Variants in SLC12A8 observed in about 807,000 individuals in gnomAD.
The protein encoded by SLC12A8 is solute carrier family 12 member 8.
SLC12A8 carries 69 observed loss-of-function variants against 75.6 expected under a neutral mutation model. The observed-to-expected ratio is 0.91, with a 90% CI of 0.75 to 1.11. The LOEUF (loss-of-function observed/expected upper bound fraction) is 1.11, where lower values mean the gene tolerates loss of function less well. SLC12A8 is among the 50% of genes most tolerant of loss of function. The probability of loss-of-function intolerance (pLI) is 0.00; values close to 1 mark genes in which losing one functional copy is unlikely to be tolerated. For synonymous variants in SLC12A8, 365 were observed against 372.8 expected, an observed-to-expected ratio of 0.98 and a Z score of 0.24; for missense variants, 877 against 896.7, an observed-to-expected ratio of 0.98 and a Z score of 0.28.
intron 2 of SLC12A8, among the ~76,000 whole-genome samples, chr3:125,209,009 C>T (rs984753548): frequency 2.6e-5 from 4 of 152,196 alleles, no homozygotes; most frequent in Non-Finnish European, 5.9e-5. Flanking sequence ...TGTCTTCCCA[C>T]TGGGCACTGC....
At chr3:125,106,384 A>T (rs1939024011) in intron 10 of SLC12A8, among the ~76,000 whole-genome samples, 1 of 151,050 alleles carries the variant, frequency 6.6e-6, no homozygotes, top group African/African-American at 2.4e-5. Flanking sequence ...TTGTTTTGAG[A>T]TGGAGTCTCA....
At chr3:125,112,464 G>A (rs1216445374) in intron 8 of SLC12A8, among the ~76,000 whole-genome samples, 3 of 152,090 alleles carry the variant, frequency 2.0e-5, no homozygotes, top group Admixed American at 1.3e-4. Flanking sequence ...CCAGCACCCT[G>A]AGCACCTCAC....
chr3:125,120,732 G>A (rs766306391), intron 6 of SLC12A8, 46 bp from the exon 7 acceptor site: 5 of 1,440,540 alleles, frequency 3.5e-6, no homozygotes, highest in Non-Finnish European at 4.9e-6. Context: ...CCTCCTCCAC[G>A]CATCGCCTTC....
rs1368605617 is a variant in SLC12A8 at position 125,208,791 on chromosome 3, C to CACAG, written c.51+2507_51+2508insCTGT. On this transcript the variant is annotated intron_variant, in intron 2 of 13. Coordinates refer to ENST00000469902, the MANE Select transcript of SLC12A8 (RefSeq NM_024628.6). ...ACACACACACACACACACACACACA[C>CACAG]AGAGAGAGAGAGAGAGAGAGAGAGA... is the stretch of plus-strand genomic sequence containing the variant. 2.1e-3 allele frequency among the ~76,000 whole-genome samples: 180 copies of CACAG among 84,186 alleles called. 1 individual carries two copies. The highest frequency in any genetic ancestry group is 2.5e-3 in the Non-Finnish European group (107 of 42,430). The allele number at this position is 84,186 out of a possible 152,430, so 55.2% of individuals were successfully genotyped here. A position where few individuals can be genotyped will look rare whatever the true frequency, so the allele number is the denominator to read the frequency against.
intron 5 of SLC12A8, among the ~76,000 whole-genome samples, chr3:125,173,452 CAA>C (rs61001520): frequency 7.3e-4 from 58 of 79,644 alleles, no homozygotes; most frequent in East Asian, 1.3e-3. Flanking sequence ...ATTCATGAGC[CAA>C]AAAAAAAAAA....
At chr3:125,111,704 A>G (rs984178585) in intron 8 of SLC12A8, among the ~76,000 whole-genome samples, 1 of 152,236 alleles carries the variant, frequency 6.6e-6, no homozygotes, top group Non-Finnish European at 1.5e-5. Flanking sequence ...CATTGAACAC[A>G]AGCCACTGGC....
chr3:125,118,673 A>G, intron 8 of SLC12A8, 96 bp downstream of exon 8: 1 of 800,694 alleles, frequency 1.2e-6, no homozygotes, highest in Non-Finnish European at 2.1e-6. Context: ...ATGGATTCCC[A>G]GACAGTACTG....
intron 4 of SLC12A8, among the ~76,000 whole-genome samples, chr3:125,180,271 G>A (rs1018527503): frequency 4.6e-5 from 7 of 152,140 alleles, no homozygotes; most frequent in Non-Finnish European, 1.0e-4. Context: ...AAATATCTAA[G>A]GCCAAATCCT....
chr3:125,151,977 T>C (rs1276788267), intron 5 of SLC12A8, among the ~76,000 whole-genome samples: 1 of 152,232 alleles, frequency 6.6e-6, no homozygotes, highest in African/African-American at 2.4e-5. Context: ...AGGAGGAAAC[T>C]GACGCTTAGG....
At chr3:125,090,830 G>A (rs567671577) in intron 12 of SLC12A8, among the ~76,000 whole-genome samples, 2 of 152,168 alleles carry the variant, frequency 1.3e-5, no homozygotes, top group East Asian at 3.9e-4. Context: ...AAGGATTCTT[G>A]TAGGCAGCAT....
At chr3:125,110,759 A>T (rs1939168289) in intron 8 of SLC12A8, 1 of 155,818 alleles carries the variant, frequency 6.4e-6, no homozygotes, top group Non-Finnish European at 1.4e-5. Context: ...CTTAAAGATG[A>T]GTTTAAATCT....
chr3:125,170,320 T>G (rs1050286849), intron 5 of SLC12A8, among the ~76,000 whole-genome samples: 1 of 152,244 alleles, frequency 6.6e-6, no homozygotes, highest in South Asian at 2.1e-4. Flanking sequence ...TAGCTCAAAC[T>G]TTTGTGCAGG....
At chr3:125,180,159 C>T (rs988279002) in intron 4 of SLC12A8, among the ~76,000 whole-genome samples, 6 of 146,464 alleles carry the variant, frequency 4.1e-5, no homozygotes, top group Admixed American at 3.4e-4. Flanking sequence ...CTTTTTAGCC[C>T]AAAGATGCCA....
chr3:125,185,399 T>C (rs764087057), intron 4 of SLC12A8, among the ~76,000 whole-genome samples: 3 of 141,120 alleles, frequency 2.1e-5, no homozygotes, highest in South Asian at 2.3e-4. Flanking sequence ...TAGGAAGATA[T>C]AAACTATCAA....
intron 8 of SLC12A8, among the ~76,000 whole-genome samples, chr3:125,117,117 A>T (rs997661853): frequency 1.3e-5 from 2 of 152,200 alleles, no homozygotes; most frequent in Admixed American, 6.5e-5. Context: ...AAAACAAATA[A>T]TCACCTTTGC....
chr3:125,132,587 G>A (rs1416068412), intron 6 of SLC12A8, among the ~76,000 whole-genome samples: 1 of 152,216 alleles, frequency 6.6e-6, no homozygotes, highest in Non-Finnish European at 1.5e-5. Context: ...CTGACATCAG[G>A]AGTACAGGAG....
rs1367032661 is a variant in SLC12A8 at position 125,091,534 on chromosome 3, A to C, written c.1826T>G (p.Met609Arg). The C allele has an allele frequency of 1.9e-6, 3 of 1,613,700 alleles. No homozygotes were observed. The highest frequency in any genetic ancestry group is 2.5e-6 in the Non-Finnish European group (3 of 1,179,730). ...LLGAVGSLLI[M>R]FVIQWVYTLV... ...GGTATACACCCACTGTATCACAAAC[A>C]TGATGAGAAGGGACCCAACAGCCTG... The change falls in exon 12 of 14, where the codon ATG becomes AGG. Residue 609 changes from methionine to arginine, a missense_variant. Physicochemically the swap from Met to Arg is moderately conservative, Grantham distance 91 (BLOSUM62 -1). Coordinates refer to ENST00000469902, the MANE Select transcript of SLC12A8 (RefSeq NM_024628.6).
At chr3:125,088,625 A>G (rs1046482068) in intron 12 of SLC12A8, among the ~76,000 whole-genome samples, 1 of 152,252 alleles carries the variant, frequency 6.6e-6, no homozygotes, top group African/African-American at 2.4e-5. Context: ...AAAACTGGAT[A>G]AAGTGCTATA....
At chr3:125,111,717 G>A (rs1360223831) in intron 8 of SLC12A8, among the ~76,000 whole-genome samples, 1 of 152,160 alleles carries the variant, frequency 6.6e-6, no homozygotes, top group Non-Finnish European at 1.5e-5. Flanking sequence ...CCACTGGCTA[G>A]ACTTCTTTCC....
Sources: gnomAD v4.1 joint callset for allele counts (sites outside exome capture counted in the v4.1 genomes callset) on GRCh38, gnomAD v4.1.1 for gene constraint, MANE v1.5 for transcripts, NCBI Gene and HGNC (gene_info 2026-07-23, HGNC 2026-07-21) for gene names.